Variants in SLC35F4 observed in about 807,000 individuals in gnomAD.
SLC35F4 encodes chromosome 14 open reading frame 36.
SLC35F4 carries 24 observed loss-of-function variants against 44.2 expected under a neutral mutation model. The observed-to-expected ratio is 0.54, with a 90% CI of 0.39 to 0.76. The LOEUF is 0.76. Among genes scored for constraint, SLC35F4 ranks in the 30% least tolerant of loss-of-function variants. The pLI is 0.00. For missense variants in SLC35F4, 562 were observed against 586.1 expected (o/e 0.96, Z 0.42); for synonymous variants, 238 against 223.6 (o/e 1.06, Z -0.57).
At chr14:57,685,392 A>G (rs1415858394) in intron 1 of SLC35F4, among the ~76,000 whole-genome samples, 1 of 152,190 alleles carries the variant, frequency 6.6e-6, no homozygotes, top group Non-Finnish European at 1.5e-5. Context: ...TGAAGAAGAG[A>G]ACAGAAAATG....
chr14:57,812,854 A>T (rs1203164909), intron 1 of SLC35F4, among the ~76,000 whole-genome samples: 3 of 152,198 alleles, frequency 2.0e-5, no homozygotes, highest in Non-Finnish European at 4.4e-5. Flanking sequence ...CTGCTCGATC[A>T]TAGAGTTAAC....
At chr14:57,976,148 G>A (rs1881208173), downstream of SLC35F4, among the ~76,000 whole-genome samples, 1 of 152,212 alleles carries the variant, frequency 6.6e-6, no homozygotes, top group African/African-American at 2.4e-5. Flanking sequence ...GGTTAGGTCT[G>A]CTTAGGAAGG....
At chr14:57,945,950 C>G (rs1022117546) in intron 1 of SLC35F4, among the ~76,000 whole-genome samples, 2 of 151,864 alleles carry the variant, frequency 1.3e-5, no homozygotes, top group Non-Finnish European at 2.9e-5. Flanking sequence ...CATGTCCTTT[C>G]CCTACTTTTT....
At chr14:57,742,353 G>C (rs2076634149) in intron 1 of SLC35F4, among the ~76,000 whole-genome samples, 1 of 152,068 alleles carries the variant, frequency 6.6e-6, no homozygotes, top group Non-Finnish European at 1.5e-5. Flanking sequence ...GACAAACATA[G>C]GCTCAAAATA....
intron 1 of SLC35F4, among the ~76,000 whole-genome samples, chr14:57,857,008 G>A (rs921525791): frequency 7.2e-5 from 11 of 152,002 alleles, no homozygotes; most frequent in African/African-American, 2.7e-4. Context: ...GGGCACGGTG[G>A]CTCACGCCTG....
chr14:57,693,777 C>A (rs774669669), intron 1 of SLC35F4, among the ~76,000 whole-genome samples: 1 of 152,128 alleles, frequency 6.6e-6, no homozygotes, highest in Non-Finnish European at 1.5e-5. Flanking sequence ...GTCTCCCCGA[C>A]TGAGCTGGTC....
At chr14:57,876,870 G>T (rs1888410041) in intron 1 of SLC35F4, among the ~76,000 whole-genome samples, 1 of 152,160 alleles carries the variant, frequency 6.6e-6, no homozygotes, top group Admixed American at 6.5e-5. Context: ...CTTCAGGGAA[G>T]TCTCTGTAAA....
At chr14:57,822,767 A>G (rs1317296293) in intron 1 of SLC35F4, among the ~76,000 whole-genome samples, 1 of 152,134 alleles carries the variant, frequency 6.6e-6, no homozygotes. Context: ...GCTTAAAACA[A>G]CATCATTGGT....
At chr14:57,833,858 G>A (rs140378029) in intron 1 of SLC35F4, among the ~76,000 whole-genome samples, 16 of 152,246 alleles carry the variant, frequency 1.1e-4, no homozygotes, top group Non-Finnish European at 1.5e-4. Context: ...TAGCTTCACA[G>A]AAAATAATTT....
intron 2 of SLC35F4, among the ~76,000 whole-genome samples, 199 bp from the exon 3 acceptor site, chr14:57,589,712 A>G (rs1454629564): frequency 1.3e-5 from 2 of 152,228 alleles, no homozygotes; most frequent in African/African-American, 2.4e-5. Context: ...TGCACAATAC[A>G]GTAAGCATCT....
intron 1 of SLC35F4, among the ~76,000 whole-genome samples, chr14:57,627,456 C>T (rs1321869595): frequency 6.6e-6 from 1 of 151,960 alleles, no homozygotes; most frequent in Non-Finnish European, 1.5e-5. Context: ...CTAAACAAAA[C>T]ATTGTTAGCT....
chr14:57,962,420 A>G (rs1258702496), intron 1 of SLC35F4, among the ~76,000 whole-genome samples: 1 of 152,196 alleles, frequency 6.6e-6, no homozygotes, highest in Non-Finnish European at 1.5e-5. Context: ...GGCAGCTCCC[A>G]TTAAGCCAGC....
intron 1 of SLC35F4, among the ~76,000 whole-genome samples, chr14:57,705,656 C>G (rs2075654088): frequency 6.6e-6 from 1 of 152,142 alleles, no homozygotes. Flanking sequence ...TATTCTTTCC[C>G]TCTGCTTCTT....
At chr14:57,809,866 T>C (rs913446915) in intron 1 of SLC35F4, among the ~76,000 whole-genome samples, 1 of 152,184 alleles carries the variant, frequency 6.6e-6, no homozygotes, top group African/African-American at 2.4e-5. Flanking sequence ...TTTAATGAGT[T>C]TTCTCTTTCT....
intron 1 of SLC35F4, among the ~76,000 whole-genome samples, chr14:57,694,848 A>G (rs1326485912): frequency 2.6e-5 from 4 of 152,140 alleles, no homozygotes; most frequent in Non-Finnish European, 5.9e-5. Context: ...CTGATTTAGA[A>G]TTACAATTAC....
At chr14:57,572,796 T>G (rs1287647398) in intron 4 of SLC35F4, among the ~76,000 whole-genome samples, 1 of 152,148 alleles carries the variant, frequency 6.6e-6, no homozygotes, top group Non-Finnish European at 1.5e-5. Context: ...AAAACAGGAG[T>G]CTACTCCCTT....
intron 1 of SLC35F4, among the ~76,000 whole-genome samples, chr14:57,656,372 TATATACACACACACACACACAC>T (rs1412454262): frequency 1.2e-5 from 1 of 86,166 alleles, no homozygotes; most frequent in Non-Finnish European, 2.2e-5. Context: ...TATATATATA[TATATACACACACACACACACAC>T]ACACACACAC....
chr14:57,643,724 C>G (rs113469438), intron 1 of SLC35F4, among the ~76,000 whole-genome samples: 4 of 152,046 alleles, frequency 2.6e-5, no homozygotes, highest in Non-Finnish European at 4.4e-5. Context: ...CCATTAACTC[C>G]TCATTTAGCA....
At chr14:57,703,665 T>C (rs972966775) in intron 1 of SLC35F4, among the ~76,000 whole-genome samples, 4 of 152,164 alleles carry the variant, frequency 2.6e-5, no homozygotes, top group African/African-American at 9.7e-5. Flanking sequence ...ATGCTAAACT[T>C]GACATAATCA....
Sources: allele counts gnomAD v4.1 joint callset (sites outside exome capture counted in the v4.1 genomes callset), GRCh38; gene constraint gnomAD v4.1.1; transcripts MANE v1.5; gene names NCBI Gene and HGNC (gene_info 2026-07-23, HGNC 2026-07-21).